The following AGO2 variants were observed in gnomAD, a reference collection of about 807,000 sequenced individuals.
AGO2 encodes the protein protein argonaute-2.
In AGO2, 5 loss-of-function variants were observed where a neutral mutation model predicts 102.3. The ratio of observed to expected loss-of-function variants is 0.05; its 90% CI spans 0.03 to 0.10. The LOEUF (loss-of-function observed/expected upper bound fraction) is 0.10. Ranked by LOEUF, AGO2 falls within the 10% of genes least tolerant of loss-of-function variation. AGO2 has a pLI of 1.00. For missense variants in AGO2, 541 were observed against 1,183.7 expected, an observed-to-expected ratio of 0.46 and a Z score of 7.97; for synonymous variants, 449 against 473.1, an observed-to-expected ratio of 0.95 and a Z score of 0.66.
At chr8:140,541,504 G>A (rs2072797866) in intron 14 of AGO2, 146 bp from the exon 15 acceptor site, 1 of 723,816 alleles carries the variant, frequency 1.4e-6, no homozygotes, top group Admixed American at 3.2e-5. Context: ...CTGGCTGGGT[G>A]TGAACTCAGC....
intron 4 of AGO2, among the ~76,000 whole-genome samples, chr8:140,561,637 T>C (rs868749819): frequency 4.6e-5 from 7 of 152,192 alleles, no homozygotes; most frequent in African/African-American, 1.7e-4. Flanking sequence ...CCTCCTCCCA[T>C]GCCTGAAGAC....
intron 10 of AGO2, among the ~76,000 whole-genome samples, chr8:140,552,027 A>C (rs1338062407): frequency 6.6e-6 from 1 of 152,168 alleles, no homozygotes; most frequent in Non-Finnish European, 1.5e-5. Flanking sequence ...AGCCAGGAGG[A>C]GGGAGGCCCA....
chr8:140,621,177 C>T (rs533908649), intron 1 of AGO2, among the ~76,000 whole-genome samples: 1 of 152,328 alleles, frequency 6.6e-6, no homozygotes, highest in South Asian at 2.1e-4. Flanking sequence ...AATCGTTTTC[C>T]ACCCTGCAGC....
rs2072473666 is a variant in AGO2, at chr8:140,524,863, A to C, written c.*7181T>G. On this transcript the variant is annotated 3_prime_UTR_variant, in exon 19 of 19. Transcript: ENST00000220592. ...GTGCTGTGGGGTGTTCTTGGGATCA[A>C]CTCACTCATTTTAAGGACCTTGGAG... 1.3e-5 allele frequency: 2 copies of C among 152,278 alleles called. No homozygotes were observed. Among genetic ancestry groups the C allele is most frequent in the Non-Finnish European group, 2.9e-5 (2 of 68,100 alleles). 9.4% of individuals were successfully genotyped at this position (152,278 alleles called of 1,614,324 possible).
chr8:140,580,267 T>C (rs922211007), intron 2 of AGO2, among the ~76,000 whole-genome samples: 1 of 152,262 alleles, frequency 6.6e-6, no homozygotes, highest in African/African-American at 2.4e-5. Context: ...CTGAGGGCAC[T>C]GAGGCTGCTT....
intron 1 of AGO2, among the ~76,000 whole-genome samples, chr8:140,603,594 T>C (rs914568718): frequency 6.6e-6 from 1 of 152,242 alleles, no homozygotes; most frequent in African/African-American, 2.4e-5. Flanking sequence ...GCTCTGCCTG[T>C]TCTAGACATT....
intron 1 of AGO2, among the ~76,000 whole-genome samples, chr8:140,597,825 AATCCATCAAC>A (rs1490504162): frequency 2.0e-5 from 3 of 152,168 alleles, no homozygotes; most frequent in Non-Finnish European, 4.4e-5. Flanking sequence ...GAGGCAGCAA[AATCCATCAAC>A]ATCTCCTGCT....
intron 2 of AGO2, among the ~76,000 whole-genome samples, chr8:140,580,251 C>T (rs1202018791): frequency 6.6e-6 from 1 of 152,256 alleles, no homozygotes; most frequent in Non-Finnish European, 1.5e-5. Context: ...GACTATACTG[C>T]AGGGCCTGAG....
chr8:140,548,541 A>G (rs1588446147), intron 12 of AGO2, among the ~76,000 whole-genome samples: 2 of 152,248 alleles, frequency 1.3e-5, no homozygotes. Flanking sequence ...GTGTGGGGAA[A>G]TGGTGACCCT....
At chr8:140,600,680 CAA>C (rs34175261) in intron 1 of AGO2, among the ~76,000 whole-genome samples, 11 of 129,078 alleles carry the variant, frequency 8.5e-5, no homozygotes, top group Admixed American at 7.9e-5. Flanking sequence ...AACTCCGTGT[CAA>C]AAAAAAAAAA....
At chr8:140,556,879 C>A (rs1451539877) in intron 8 of AGO2, among the ~76,000 whole-genome samples, 1 of 152,208 alleles carries the variant, frequency 6.6e-6, no homozygotes, top group East Asian at 1.9e-4. Context: ...AAGGTTCACA[C>A]CAATCCCACA....
chr8:140,607,515 T>TACACAC (rs1159722896), intron 1 of AGO2, among the ~76,000 whole-genome samples: 2 of 18,932 alleles, frequency 1.1e-4, no homozygotes, highest in African/African-American at 3.0e-4. Context: ...TATATATATA[T>TACACAC]ACACACACAC....
intron 1 of AGO2, among the ~76,000 whole-genome samples, chr8:140,597,068 C>G (rs532902273): frequency 3.3e-5 from 5 of 152,210 alleles, no homozygotes; most frequent in South Asian, 4.1e-4. Context: ...ATGGGTTTTA[C>G]GTCATGGTTA....
At chr8:140,562,934 A>G (rs1398153173) in intron 3 of AGO2, among the ~76,000 whole-genome samples, 8 of 151,722 alleles carry the variant, frequency 5.3e-5, no homozygotes, top group Non-Finnish European at 1.2e-4. Flanking sequence ...TGAACTCACT[A>G]CCTCTCTCCT....
At chr8:140,584,781 T>A (rs2073624929) in intron 2 of AGO2, among the ~76,000 whole-genome samples, 1 of 152,068 alleles carries the variant, frequency 6.6e-6, no homozygotes, top group African/African-American at 2.4e-5. Flanking sequence ...TGCCGTGACT[T>A]TAGGGGCTGG....
rs1435715595 is a variant in AGO2 at position 140,616,358 on chromosome 8, G to A, written c.22+19127C>T. Among the ~76,000 whole-genome samples, 3 of 152,174 alleles carry A rather than the reference G, an allele frequency of 2.0e-5. No homozygotes were observed. In the East Asian group the frequency reaches 5.8e-4, roughly 29 times the overall value. On this transcript the variant is annotated intron_variant, in intron 1 of 18. Transcript: ENST00000220592. Reference sequence around the variant, plus strand: ...GCACCAACGGCTTCCTATGCACAAGGAAGATTTGCCATGCATTAATTCACT... The same window carrying A: ...GCACCAACGGCTTCCTATGCACAAGAAAGATTTGCCATGCATTAATTCACT...
chr8:140,524,903 G>C lies in AGO2; in HGVS notation c.*7141C>G, dbSNP rs962041409. The C allele has an allele frequency of 6.6e-6, 1 of 152,240 alleles. No individual in the cohort carries two copies. Among genetic ancestry groups the C allele is most frequent in the African/African-American group, 2.4e-5 (1 of 41,444 alleles). The allele number at this position is 152,240 out of a possible 1,614,324, so 9.4% of individuals were successfully genotyped here. On this transcript the variant is annotated 3_prime_UTR_variant, in exon 19 of 19. Transcript: ENST00000220592. ...GGACCTTGGAGCTACAGAAAGAACT[G>C]AATAAGAATGGCCCCAACGTCCAGT...
At chr8:140,561,251 G>A (rs1250633268) in intron 4 of AGO2, among the ~76,000 whole-genome samples, 1 of 152,258 alleles carries the variant, frequency 6.6e-6, no homozygotes, top group African/African-American at 2.4e-5. Context: ...TGATTCTGAA[G>A]GGAAAACACG....
chr8:140,629,456 C>T (rs1050712559), intron 1 of AGO2, among the ~76,000 whole-genome samples: 2 of 152,146 alleles, frequency 1.3e-5, no homozygotes, highest in East Asian at 1.9e-4. Flanking sequence ...ACTTAACAGG[C>T]GAGAAAACTG....
Sources: allele counts gnomAD v4.1 joint callset (sites outside exome capture counted in the v4.1 genomes callset), GRCh38; gene constraint gnomAD v4.1.1; transcripts MANE v1.5; gene names NCBI Gene and HGNC (gene_info 2026-07-23, HGNC 2026-07-21).